Variants in NCKAP5 observed in about 807,000 individuals in gnomAD.
The protein encoded by NCKAP5 is nck-associated protein 5.
NCKAP5 carries 92 observed loss-of-function variants against 167.0 expected under a neutral mutation model. That is an observed-to-expected ratio of 0.55 (90% confidence interval 0.47 to 0.66). The LOEUF (loss-of-function observed/expected upper bound fraction) is 0.66, where lower values mean the gene tolerates loss of function less well. Among genes scored for constraint, NCKAP5 ranks in the 30% least tolerant of loss-of-function variants. NCKAP5 has a pLI of 0.00. For missense variants in NCKAP5, 2,378 were observed against 2,315.0 expected (o/e 1.03, Z -0.56); for synonymous variants, 891 against 877.4 (o/e 1.02, Z -0.27).
chr2:133,654,938 C>A, the NCKAP5 span, among the ~76,000 whole-genome samples: 2 of 152,156 alleles, frequency 1.3e-5, no homozygotes, highest in Non-Finnish European at 2.9e-5. Flanking sequence ...CTTGGCAATT[C>A]AACTGAGTTA....
chr2:133,203,445 CAAGTT>C (rs2085796119), intron 5 of NCKAP5, among the ~76,000 whole-genome samples: 1 of 152,040 alleles, frequency 6.6e-6, no homozygotes, highest in Non-Finnish European at 1.5e-5. Context: ...ATGTAAATGA[CAAGTT>C]AATAGGTGCA....
At chr2:133,438,583 GA>G (rs1690644664) in intron 3 of NCKAP5, among the ~76,000 whole-genome samples, 1 of 152,104 alleles carries the variant, frequency 6.6e-6, no homozygotes. Flanking sequence ...AACTAGCATT[GA>G]AAAAGCAATA....
chr2:133,593,149 C>T, the NCKAP5 span, among the ~76,000 whole-genome samples: 10 of 152,182 alleles, frequency 6.6e-5, no homozygotes, highest in Non-Finnish European at 1.2e-4. Context: ...ATGCAGAATT[C>T]ACAAGAGGAA....
the NCKAP5 span, among the ~76,000 whole-genome samples, chr2:133,594,803 G>A: frequency 6.6e-6 from 1 of 152,140 alleles, no homozygotes; most frequent in Non-Finnish European, 1.5e-5. Flanking sequence ...AAGAGGATAT[G>A]GGTATGTTAC....
chr2:133,453,580 G>C (rs1028253290), intron 3 of NCKAP5, among the ~76,000 whole-genome samples: 2 of 151,960 alleles, frequency 1.3e-5, no homozygotes, highest in Non-Finnish European at 2.9e-5. Context: ...ACAAAATAAG[G>C]GTTATTCATT....
At chr2:133,580,087 G>A in the NCKAP5 span, among the ~76,000 whole-genome samples, 1 of 152,174 alleles carries the variant, frequency 6.6e-6, no homozygotes, top group Admixed American at 6.5e-5. Context: ...TACAGGGTAA[G>A]CCATAGATTG....
intron 19 of NCKAP5, among the ~76,000 whole-genome samples, chr2:132,679,854 G>T (rs540267575): frequency 1.8e-4 from 28 of 152,092 alleles, no homozygotes; most frequent in African/African-American, 6.5e-4. Context: ...TTAAGCCAAG[G>T]TCTCTTAGTT....
intron 11 of NCKAP5, among the ~76,000 whole-genome samples, chr2:132,798,568 C>A (rs1032820194): frequency 6.6e-6 from 1 of 152,170 alleles, no homozygotes; most frequent in Non-Finnish European, 1.5e-5. Flanking sequence ...TTCATGAATG[C>A]ACTTCATTAT....
chr2:133,508,211 C>A (rs997295922), intron 3 of NCKAP5, among the ~76,000 whole-genome samples: 2 of 152,126 alleles, frequency 1.3e-5, no homozygotes, highest in Admixed American at 6.5e-5. Flanking sequence ...TGGAGTCACA[C>A]CCCATTCTTT....
intron 5 of NCKAP5, among the ~76,000 whole-genome samples, chr2:133,181,986 T>C (rs2084759153): frequency 6.6e-6 from 1 of 152,072 alleles, no homozygotes; most frequent in Non-Finnish European, 1.5e-5. Flanking sequence ...TAATATCAGG[T>C]AGACTTCAGA....
the NCKAP5 span, among the ~76,000 whole-genome samples, chr2:133,628,456 G>C: frequency 1.3e-5 from 2 of 152,070 alleles, no homozygotes; most frequent in African/African-American, 4.8e-5. Flanking sequence ...GGACCTCTTC[G>C]AGGATAACCA....
chr2:133,069,846 T>C (rs746134787), intron 6 of NCKAP5, among the ~76,000 whole-genome samples: 8 of 151,864 alleles, frequency 5.3e-5, no homozygotes, highest in Non-Finnish European at 1.2e-4. Flanking sequence ...AGATAATATT[T>C]ATAAATTTCA....
intron 7 of NCKAP5, among the ~76,000 whole-genome samples, chr2:132,979,380 C>G (rs1383528206): frequency 6.6e-6 from 1 of 152,104 alleles, no homozygotes; most frequent in African/African-American, 2.4e-5. Flanking sequence ...TCTCACCCAC[C>G]CAGTCCAGTC....
chr2:133,552,997 T>A (rs1165157104), intron 2 of NCKAP5, among the ~76,000 whole-genome samples: 1 of 152,182 alleles, frequency 6.6e-6, no homozygotes, highest in African/African-American at 2.4e-5. Context: ...GAAACAAGAT[T>A]CATGCACATT....
intron 3 of NCKAP5, among the ~76,000 whole-genome samples, chr2:133,325,753 G>C (rs1212693858): frequency 6.6e-6 from 1 of 152,206 alleles, no homozygotes; most frequent in Non-Finnish European, 1.5e-5. Flanking sequence ...CTGGTTCAAT[G>C]ATGGGCACTG....
intron 4 of NCKAP5, among the ~76,000 whole-genome samples, chr2:133,267,587 A>C (rs2089304928): frequency 6.6e-6 from 1 of 152,194 alleles, no homozygotes; most frequent in African/African-American, 2.4e-5. Flanking sequence ...GATAAAAGGA[A>C]ATCTGCTTTG....
chr2:133,478,297 C>T (rs1374771697), intron 3 of NCKAP5, among the ~76,000 whole-genome samples: 2 of 152,194 alleles, frequency 1.3e-5, no homozygotes, highest in Admixed American at 1.3e-4. Context: ...ATTCCTGACA[C>T]ATTTCTTTGC....
At chr2:132,763,249 C>T (rs1035137622) in intron 16 of NCKAP5, among the ~76,000 whole-genome samples, 2 of 152,152 alleles carry the variant, frequency 1.3e-5, no homozygotes, top group Non-Finnish European at 2.9e-5. Flanking sequence ...AATATCTAAG[C>T]TCGGCTTTCA....
At chr2:133,504,915 C>A (rs1044707274) in intron 3 of NCKAP5, among the ~76,000 whole-genome samples, 1 of 152,106 alleles carries the variant, frequency 6.6e-6, no homozygotes. Context: ...CAGTTCCCCC[C>A]CAAAACTCAT....
Sources: allele counts gnomAD v4.1 joint callset (sites outside exome capture counted in the v4.1 genomes callset), GRCh38; gene constraint gnomAD v4.1.1; transcripts MANE v1.5; gene names NCBI Gene and HGNC (gene_info 2026-07-23, HGNC 2026-07-21).